Variants in HDAC9 observed in about 807,000 individuals in gnomAD.
HDAC9 encodes the protein histone deacetylase 9, also known as MEF-2 interacting transcription repressor (MITR) protein.
A neutral mutation model predicts 139.4 loss-of-function variants in HDAC9; 41 were observed. That is an observed-to-expected ratio of 0.29 (90% CI 0.23 to 0.38). HDAC9 has a LOEUF of 0.38. HDAC9 is among the 10% of genes least tolerant of loss of function. The probability of loss-of-function intolerance (pLI) is 1.00; values close to 1 mark genes in which losing one functional copy is unlikely to be tolerated. For synonymous variants in HDAC9, 517 were observed against 476.2 expected (o/e 1.09, Z -1.12); for missense variants, 1,147 against 1,297.0 (o/e 0.88, Z 1.78).
intron 1 of HDAC9, among the ~76,000 whole-genome samples, chr7:18,316,140 G>A (rs531067212): frequency 1.3e-5 from 2 of 152,218 alleles, no homozygotes; most frequent in East Asian, 3.9e-4. Context: ...TGCAGACACT[G>A]ATTCATTTTA....
intron 1 of HDAC9, among the ~76,000 whole-genome samples, chr7:18,450,793 T>C (rs1792746681): frequency 6.6e-6 from 1 of 152,166 alleles, no homozygotes; most frequent in African/African-American, 2.4e-5. Flanking sequence ...AGAGATTATA[T>C]TGTGATTGGT....
chr7:18,489,193 A>G (rs1003920280), intron 1 of HDAC9, among the ~76,000 whole-genome samples: 2 of 152,062 alleles, frequency 1.3e-5, no homozygotes, highest in Non-Finnish European at 2.9e-5. Context: ...AAGCTCTGGT[A>G]ATACAGGAGA....
chr7:18,534,010 A>T (rs1039190372), intron 2 of HDAC9, among the ~76,000 whole-genome samples: 3 of 152,134 alleles, frequency 2.0e-5, no homozygotes, highest in African/African-American at 7.2e-5. Context: ...GATAGAGGCT[A>T]TTAATTATAG....
intron 1 of HDAC9, among the ~76,000 whole-genome samples, chr7:18,396,122 CCCTTCCCTTG>C (rs1467531729): frequency 0.019 from 2,317 of 123,948 alleles, 173 homozygotes; most frequent in African/African-American, 0.068. Context: ...CCCTTCCCTT[CCCTTCCCTTG>C]CCTTCCCTTC....
chr7:18,764,945 A>G (rs1352473873), intron 15 of HDAC9, among the ~76,000 whole-genome samples: 1 of 152,164 alleles, frequency 6.6e-6, no homozygotes, highest in Non-Finnish European at 1.5e-5. Flanking sequence ...TTTGAAAATG[A>G]ACATCATTTA....
intron 1 of HDAC9, among the ~76,000 whole-genome samples, chr7:18,107,070 T>G (rs1783265416): frequency 6.6e-6 from 1 of 152,218 alleles, no homozygotes; most frequent in African/African-American, 2.4e-5. Context: ...TGTAGTGGAC[T>G]GGGTATGCAA....
chr7:18,827,279 G>T (rs1385126945), intron 17 of HDAC9, among the ~76,000 whole-genome samples: 1 of 151,826 alleles, frequency 6.6e-6, no homozygotes, highest in Admixed American at 6.6e-5. Flanking sequence ...ATGGTATTTG[G>T]TTTTCCCTAT....
At chr7:18,629,963 C>G (rs1781838891) in intron 7 of HDAC9, among the ~76,000 whole-genome samples, 1 of 152,006 alleles carries the variant, frequency 6.6e-6, no homozygotes, top group Non-Finnish European at 1.5e-5. Flanking sequence ...TATGTGTTTA[C>G]TAGTGAAGTG....
chr7:18,362,312 C>G (rs913241740), intron 1 of HDAC9, among the ~76,000 whole-genome samples: 1 of 152,086 alleles, frequency 6.6e-6, no homozygotes, highest in Non-Finnish European at 1.5e-5. Flanking sequence ...CCTAATTTCT[C>G]TATATATTTG....
chr7:18,699,816 CTCTAATTCCATAAAA>C (rs1445067802), intron 12 of HDAC9, among the ~76,000 whole-genome samples: 2 of 152,004 alleles, frequency 1.3e-5, no homozygotes, highest in African/African-American at 4.8e-5. Flanking sequence ...TAGAAATCTC[CTCTAATTCCATAAAA>C]TCTTTTACTA....
chr7:18,150,219 T>A (rs2128118651), intron 1 of HDAC9, among the ~76,000 whole-genome samples: 1 of 152,170 alleles, frequency 6.6e-6, no homozygotes, highest in South Asian at 2.1e-4. Flanking sequence ...TGTATCTAGA[T>A]ATATATGTTT....
intron 1 of HDAC9, among the ~76,000 whole-genome samples, chr7:18,314,670 A>G (rs1235224042): frequency 6.6e-6 from 1 of 152,156 alleles, no homozygotes; most frequent in Admixed American, 6.5e-5. Flanking sequence ...TTTAAGAGTG[A>G]GATTTTATTC....
intron 21 of HDAC9, among the ~76,000 whole-genome samples, chr7:18,857,185 T>A (rs1440932699): frequency 6.6e-6 from 1 of 152,156 alleles, no homozygotes; most frequent in East Asian, 1.9e-4. Context: ...TTTCACTGAA[T>A]AATTGCTTCT....
intron 23 of HDAC9, among the ~76,000 whole-genome samples, chr7:18,936,715 CCTTT>C (rs1359157751): frequency 1.3e-5 from 2 of 152,018 alleles, no homozygotes; most frequent in East Asian, 1.9e-4. Flanking sequence ...ATGCATTTTG[CCTTT>C]CTTTTATGAA....
intron 22 of HDAC9, among the ~76,000 whole-genome samples, chr7:18,931,462 G>T (rs1804737026): frequency 6.6e-6 from 1 of 152,050 alleles, no homozygotes; most frequent in African/African-American, 2.4e-5. Flanking sequence ...TTTTTGTCAA[G>T]AATTTTAAAA....
chr7:18,450,999 T>G (rs1792764121), intron 1 of HDAC9, among the ~76,000 whole-genome samples: 1 of 152,166 alleles, frequency 6.6e-6, no homozygotes, highest in South Asian at 2.1e-4. Context: ...CATACCGCTG[T>G]GGTCTGAAAG....
chr7:18,537,525 AC>A (rs1469727907), intron 2 of HDAC9, among the ~76,000 whole-genome samples: 1 of 151,850 alleles, frequency 6.6e-6, no homozygotes, highest in African/African-American at 2.4e-5. Context: ...AAAAGCAGAA[AC>A]TTTTTTTTTT....
At chr7:18,746,357 A>G (rs940305240) in intron 13 of HDAC9, among the ~76,000 whole-genome samples, 1 of 152,096 alleles carries the variant, frequency 6.6e-6, no homozygotes, top group African/African-American at 2.4e-5. Context: ...CTGTATTTTA[A>G]ATGTTATTCT....
chr7:18,771,155 A>T (rs1790254863), intron 16 of HDAC9, among the ~76,000 whole-genome samples: 1 of 152,118 alleles, frequency 6.6e-6, no homozygotes. Context: ...GTGGTTGAAG[A>T]TATGCAAAAA....
Sources: allele counts gnomAD v4.1 joint callset (sites outside exome capture counted in the v4.1 genomes callset), GRCh38; gene constraint gnomAD v4.1.1; transcripts MANE v1.5; gene names NCBI Gene and HGNC (gene_info 2026-07-23, HGNC 2026-07-21).